The following NDUFAF6 variants were observed in gnomAD, a reference collection of about 807,000 sequenced individuals.
NDUFAF6 encodes the protein NADH dehydrogenase (ubiquinone) complex I, assembly factor 6.
A neutral mutation model predicts 40.8 loss-of-function variants in NDUFAF6; 45 were observed. That is an observed-to-expected ratio of 1.10 (90% CI 0.87 to 1.42). NDUFAF6 has a LOEUF of 1.42. NDUFAF6 is among the 40% of genes most tolerant of loss of function. NDUFAF6 has a pLI of 0.00. For missense variants in NDUFAF6, 435 were observed against 418.5 expected (o/e 1.04, Z -0.34); for synonymous variants, 185 against 155.9 (o/e 1.19, Z -1.39).
downstream of NDUFAF6, among the ~76,000 whole-genome samples, chr8:95,107,476 C>CG (rs1160038623): frequency 5.9e-5 from 9 of 151,914 alleles, no homozygotes; most frequent in Middle Eastern, 3.4e-3. Context: ...CGGGGCCTGT[C>CG]GGAGGGGTAG....
Position 95,036,240 on chromosome 8 carries a change from A to G in NDUFAF6, c.420+664A>G, listed in dbSNP as rs966143688. On this transcript the variant is annotated intron_variant, in intron 3 of 8. Transcript: ENST00000396124. ...ACATGGCTTAGAAATATTCTAAACT[A>G]TGAGAGGAGGAAGGGAATTAGATAC... is the stretch of plus-strand genomic sequence containing the variant. The G allele has an allele frequency of 4.2e-6, 5 of 1,187,906 alleles. No individual in the cohort carries two copies. The South Asian group carries it at 4.5e-5, about 11-fold the overall frequency. 73.6% of individuals were successfully genotyped at this position (1,187,906 alleles called of 1,614,324 possible). A position where few individuals can be genotyped will look rare whatever the true frequency, so the allele number is the denominator to read the frequency against.
intron 8 of NDUFAF6, among the ~76,000 whole-genome samples, chr8:95,055,478 CTT>C: frequency 6.6e-6 from 1 of 152,082 alleles, no homozygotes; most frequent in African/African-American, 2.4e-5. Flanking sequence ...AAATATAACA[CTT>C]AATAGCTATA....
chr8:94,895,985 T>G (rs1165483341), intron 1 of NDUFAF6: 2 of 152,518 alleles, frequency 1.3e-5, no homozygotes, highest in Admixed American at 1.3e-4. Flanking sequence ...TCCCTCCCCA[T>G]GGGTCGGTCG....
intron 4 of NDUFAF6, among the ~76,000 whole-genome samples, chr8:95,113,389 T>C (rs1001307558): frequency 6.6e-6 from 1 of 152,128 alleles, no homozygotes; most frequent in Non-Finnish European, 1.5e-5. Flanking sequence ...GAGGGAGGTC[T>C]CATGGAGGAA....
chr8:95,040,237 G>C (rs1830004607), intron 3 of NDUFAF6, among the ~76,000 whole-genome samples: 1 of 152,192 alleles, frequency 6.6e-6, no homozygotes, highest in African/African-American at 2.4e-5. Flanking sequence ...TTAGATTGAA[G>C]TTATGGATTC....
chr8:95,019,892 A>T (rs1827618899), intron 2 of NDUFAF6, among the ~76,000 whole-genome samples: 1 of 152,172 alleles, frequency 6.6e-6, no homozygotes, highest in South Asian at 2.1e-4. Context: ...ACAATTCTAT[A>T]TTTTTTAAAA....
chr8:95,086,202 A>T (rs1000630904), intron 2 of NDUFAF6, among the ~76,000 whole-genome samples: 1 of 152,222 alleles, frequency 6.6e-6, no homozygotes, highest in African/African-American at 2.4e-5. Context: ...GAAGAATAAA[A>T]ATCACCTCAA....
At chr8:94,911,107 A>G (rs1398369352) in intron 1 of NDUFAF6, among the ~76,000 whole-genome samples, 4 of 152,338 alleles carry the variant, frequency 2.6e-5, no homozygotes, top group Middle Eastern at 3.4e-3. Context: ...TCAGCTATTA[A>G]AATTTGTTAC....
upstream of NDUFAF6, among the ~76,000 whole-genome samples, chr8:95,095,716 G>A (rs1809439268): frequency 6.6e-6 from 1 of 151,022 alleles, no homozygotes; most frequent in Non-Finnish European, 1.5e-5. Context: ...CCAGTCTAGA[G>A]TGCAGTAGCA....
At chr8:95,064,029 G>A (rs1215612918) in intron 9 of NDUFAF6, among the ~76,000 whole-genome samples, 2 of 145,982 alleles carry the variant, frequency 1.4e-5, no homozygotes, top group African/African-American at 2.5e-5. Context: ...CCGCCACCAC[G>A]CCTGGCTAAT....
intron 3 of NDUFAF6, among the ~76,000 whole-genome samples, chr8:95,039,802 T>C (rs1829956271): frequency 6.7e-6 from 1 of 149,932 alleles, no homozygotes; most frequent in Non-Finnish European, 1.5e-5. Flanking sequence ...TTTTAAATGT[T>C]TTGTAGAGAT....
upstream of NDUFAF6, among the ~76,000 whole-genome samples, chr8:95,023,522 G>A (rs1239270317): frequency 2.0e-5 from 3 of 152,122 alleles, no homozygotes; most frequent in East Asian, 5.8e-4. Context: ...TGTCAAGTAG[G>A]GAAACGCCAT....
chr8:94,906,458 G>A (rs1302617322), intron 1 of NDUFAF6, among the ~76,000 whole-genome samples: 1 of 152,168 alleles, frequency 6.6e-6, no homozygotes, highest in Non-Finnish European at 1.5e-5. Flanking sequence ...GCAGGGCTAG[G>A]TGTGTAAACC....
downstream of NDUFAF6, among the ~76,000 whole-genome samples, chr8:95,118,013 G>A (rs996723479): frequency 1.3e-5 from 2 of 152,186 alleles, no homozygotes; most frequent in African/African-American, 4.8e-5. Flanking sequence ...TCTTGCTTGG[G>A]TCTTTCATCT....
intron 1 of NDUFAF6, among the ~76,000 whole-genome samples, chr8:94,923,620 G>T (rs1474912554): frequency 6.6e-6 from 1 of 151,340 alleles, no homozygotes; most frequent in Non-Finnish European, 1.5e-5. Context: ...TGATAGTGGT[G>T]TGTTTTCTTA....
At chr8:94,931,769 C>A (rs1820425579) in intron 1 of NDUFAF6, among the ~76,000 whole-genome samples, 1 of 152,008 alleles carries the variant, frequency 6.6e-6, no homozygotes, top group South Asian at 2.1e-4. Context: ...TAATAGAGTT[C>A]AAGACCAGCC....
At chr8:94,930,273 AC>A in intron 1 of NDUFAF6, 1 of 612,224 alleles carries the variant, frequency 1.6e-6, no homozygotes, top group South Asian at 2.5e-5. Flanking sequence ...GAAAAAGTGT[AC>A]AAAAAAAGTA....
At chr8:94,909,639 A>T (rs1177837696) in intron 1 of NDUFAF6, among the ~76,000 whole-genome samples, 7 of 151,426 alleles carry the variant, frequency 4.6e-5, no homozygotes, top group Non-Finnish European at 1.0e-4. Flanking sequence ...ACAAAAAAAA[A>T]TTTTTTTCAA....
chr8:95,053,952 T>TTTTTTTG (rs1554681590), intron 8 of NDUFAF6, among the ~76,000 whole-genome samples: 3 of 136,910 alleles, frequency 2.2e-5, no homozygotes, highest in Admixed American at 7.4e-5. Context: ...TTTTTTTTTT[T>TTTTTTTG]GAGACAAAAT....
Sources: allele counts gnomAD v4.1 joint callset (sites outside exome capture counted in the v4.1 genomes callset), GRCh38; gene constraint gnomAD v4.1.1; transcripts MANE v1.5; gene names NCBI Gene and HGNC (gene_info 2026-07-23, HGNC 2026-07-21).